SLC35F6: variants seen among roughly 807,000 people sequenced by gnomAD.
SLC35F6 encodes ANT2-binding protein.
In SLC35F6, 26 loss-of-function variants were observed where a neutral mutation model predicts 29.4. The observed-to-expected ratio is 0.89, with a 90% CI of 0.65 to 1.23. SLC35F6 has a LOEUF of 1.23. SLC35F6 is among the 50% of genes most tolerant of loss of function. The pLI is 0.00. For missense variants in SLC35F6, 428 were observed against 487.8 expected, an observed-to-expected ratio of 0.88 and a Z score of 1.15; for synonymous variants, 174 against 206.6, an observed-to-expected ratio of 0.84 and a Z score of 1.35.
chr2:26,774,456 T>C, intron 2 of SLC35F6, 133 bp downstream of exon 2: 1 of 930,744 alleles, frequency 1.1e-6, no homozygotes, highest in Non-Finnish European at 1.6e-6. Context: ...CATCCACTTC[T>C]CTCTTTCCCT....
chr2:26,770,443 C>T (rs1274924291), intron 1 of SLC35F6, among the ~76,000 whole-genome samples: 9 of 152,010 alleles, frequency 5.9e-5, no homozygotes. Flanking sequence ...GTTGGCCGGA[C>T]GCAGAGGCTT....
Position 26,764,313 on chromosome 2 carries a change from G to C in SLC35F6, c.-37G>C. On this transcript the variant is annotated 5_prime_UTR_variant, in exon 1 of 6. Coordinates refer to ENST00000344420, the MANE Select transcript of SLC35F6 (RefSeq NM_017877.4). ...AGGAGACCCCGGGTGACGGGGCCCG[G>C]CGCCGCTAACTGGAGCGAACCCCAG... is the stretch of plus-strand genomic sequence containing the variant. The C allele has an allele frequency of 6.5e-7, 1 of 1,547,004 alleles. No homozygotes were observed. Among genetic ancestry groups the C allele is most frequent in the Non-Finnish European group, 8.7e-7 (1 of 1,145,346 alleles).
intron 5 of SLC35F6, among the ~76,000 whole-genome samples, chr2:26,777,608 A>G (rs1664325520): frequency 6.6e-6 from 1 of 152,244 alleles, no homozygotes; most frequent in African/African-American, 2.4e-5. Flanking sequence ...GACCAGTAAC[A>G]CACTGAACTA....
At position 26,780,995 on chromosome 2, in the gene SLC35F6, C is replaced by G. The variant is rs1224160898; in HGVS notation, c.*2484C>G. ...CACCAGCTTTGAATCCCAGGGTCCC[C>G]TCAGCTTCACTGGGCCACAGTGTCT... On this transcript the variant is annotated 3_prime_UTR_variant, in exon 6 of 6. Transcript: ENST00000344420. 6.6e-6 allele frequency: 1 copy of G among 152,144 alleles called. No homozygotes were observed. Among genetic ancestry groups the G allele is most frequent in the Non-Finnish European group, 1.5e-5 (1 of 68,050 alleles). The allele number at this position is 152,144 out of a possible 1,614,324, so 9.4% of individuals were successfully genotyped here.
In SLC35F6 at chr2:26,768,455, C is replaced by T. The variant is rs780356383; in HGVS notation, c.77+4029C>T. 7.2e-5 allele frequency among the ~76,000 whole-genome samples: 11 copies of T among 151,850 alleles called. No homozygotes were observed. In the South Asian group the frequency reaches 8.3e-4, roughly 12 times the overall value. Reference sequence around the variant, plus strand: ...TCAGCTCACTGCAAGCTCCGCCTCCCGGGTGAACGCATTCTCATGCCTCAG... The same window carrying T: ...TCAGCTCACTGCAAGCTCCGCCTCCTGGGTGAACGCATTCTCATGCCTCAG... On this transcript the variant is annotated intron_variant, in intron 1 of 5. Coordinates refer to ENST00000344420, the MANE Select transcript of SLC35F6 (RefSeq NM_017877.4).
intron 1 of SLC35F6, 52 bp from the exon 2 acceptor site, chr2:26,774,199 A>G (rs1664255478): frequency 1.9e-6 from 3 of 1,608,102 alleles, no homozygotes; most frequent in Admixed American, 3.3e-5. Flanking sequence ...CCTCTTCACT[A>G]GCACCAGGGT....
chr2:26,764,675 T>C (rs1664062373), intron 1 of SLC35F6: 1 of 617,698 alleles, frequency 1.6e-6, no homozygotes, highest in African/African-American at 2.0e-5. Flanking sequence ...TTCCACGTCT[T>C]TTAACAGGAG....
At chr2:26,777,743 A>AGTGT (rs34163276) in intron 5 of SLC35F6, among the ~76,000 whole-genome samples, 58,524 of 150,196 alleles carry the variant, frequency 0.39, 11,646 homozygotes, top group Admixed American at 0.48. Flanking sequence ...TGTTTTTATG[A>AGTGT]GTGTGTGTGT....
intron 2 of SLC35F6, 56 bp from the exon 3 acceptor site, chr2:26,774,988 A>G (rs1664271108): frequency 6.5e-7 from 1 of 1,532,524 alleles, no homozygotes; most frequent in African/African-American, 1.4e-5. Flanking sequence ...AAATAGTTAA[A>G]GATGATCCCC....
In SLC35F6 at chr2:26,775,725, C is replaced by A; in HGVS notation, c.535+49C>A. 6.7e-7 allele frequency: 1 copy of A among 1,499,214 alleles called. No homozygotes were observed. 92.9% of individuals were successfully genotyped at this position (1,499,214 alleles called of 1,614,324 possible). A position where few individuals can be genotyped will look rare whatever the true frequency, so the allele number is the denominator to read the frequency against. On this transcript the variant is annotated intron_variant, in intron 4 of 5. Coordinates refer to ENST00000344420, the MANE Select transcript of SLC35F6 (RefSeq NM_017877.4). This position sits in a 1 kb window ranked among gnomAD's most constrained non-coding sequence, Gnocchi z 4.6. ...GGGCTGCCCTATCCTGCCCTGTCCT[C>A]CTTGGGAGCCCAGCACAGACTCATA...
intron 5 of SLC35F6, among the ~76,000 whole-genome samples, chr2:26,777,795 C>T (rs539700072): frequency 2.0e-5 from 3 of 151,742 alleles, no homozygotes; most frequent in Admixed American, 2.0e-4. Flanking sequence ...TACTGGGTCA[C>T]AATATAAAAT....
At chr2:26,776,335 C>A (rs756066425) in intron 4 of SLC35F6, 37 bp from the exon 5 acceptor site, 1 of 1,596,790 alleles carries the variant, frequency 6.3e-7, no homozygotes, top group Non-Finnish European at 8.6e-7. Context: ...AGCCCCAGTG[C>A]AGCCCTGTTC....
At chr2:26,770,918 A>G (rs1352775978) in intron 1 of SLC35F6, among the ~76,000 whole-genome samples, 1 of 152,164 alleles carries the variant, frequency 6.6e-6, no homozygotes, top group Non-Finnish European at 1.5e-5. Context: ...CCAGGATGAG[A>G]AGCCTGGCTT....
rs770231566 is a variant in SLC35F6, at chr2:26,776,466, G to A, written c.630G>A (p.Arg210=). Residue 210 remains arginine (R), a synonymous_variant, in exon 5 of 6, where the codon CGG becomes CGA. Coordinates refer to ENST00000344420, the MANE Select transcript of SLC35F6 (RefSeq NM_017877.4). Reference sequence around the variant, plus strand: ...ACAAACACAATGTGCACCCACTGCGGGCAGTTGGCACTGAGGGTGTGTGTG... The same window carrying A: ...ACAAACACAATGTGCACCCACTGCGAGCAGTTGGCACTGAGGGTGTGTGTG... ...FVYKHNVHPL[R]AVGTEGLFGF... is the part of the protein sequence containing the mutation. 2 of 1,614,060 alleles carry A rather than the reference G, an allele frequency of 1.2e-6. No homozygotes were observed. Among genetic ancestry groups the A allele is most frequent in the East Asian group, 4.5e-5 (2 of 44,896 alleles).
rs1664351559 is a variant in SLC35F6, at chr2:26,778,610, C to T, written c.*99C>T. The T allele has an allele frequency of 1.7e-6, 2 of 1,172,146 alleles. No homozygotes were observed. The highest frequency in any genetic ancestry group is 2.3e-6 in the Non-Finnish European group (2 of 857,542). 72.6% of individuals were successfully genotyped at this position (1,172,146 alleles called of 1,614,324 possible). A position where few individuals can be genotyped will look rare whatever the true frequency, so the allele number is the denominator to read the frequency against. On this transcript the variant is annotated 3_prime_UTR_variant, in exon 6 of 6. Coordinates refer to ENST00000344420, the MANE Select transcript of SLC35F6 (RefSeq NM_017877.4). Reference sequence around the variant, plus strand: ...CCCGAATGCCCTATCCCCAAGGCCTCACCCTGTCCCCTCCCTGCAGAACCC... The same window carrying T: ...CCCGAATGCCCTATCCCCAAGGCCTTACCCTGTCCCCTCCCTGCAGAACCC...
rs892894795 is a variant in SLC35F6, at chr2:26,778,110, A to G, written c.715A>G (p.Ser239Gly). The G allele has an allele frequency of 1.9e-6, 3 of 1,614,142 alleles. No individual in the cohort carries two copies. Among genetic ancestry groups the G allele is most frequent in the Non-Finnish European group, 2.5e-6 (3 of 1,180,008 alleles). ...GTACTACATCCCCGCCGGCTCCTTC[A>G]GCGGAAACCCTCGTGGGACACTGGA... ...PMYYIPAGSF[S>G]GNPRGTLEDA... The change falls in exon 6 of 6, where the codon AGC (serine) becomes GGC (glycine). Residue 239 changes from serine (S) to glycine (G), a missense_variant. Physicochemically the swap from Ser to Gly is moderately conservative, Grantham distance 56. Transcript: ENST00000344420.
At position 26,775,685 on chromosome 2, in the gene SLC35F6, A is replaced by C. The variant is rs1288240201; in HGVS notation, c.535+9A>C. The C allele has an allele frequency of 6.4e-7, 1 of 1,558,584 alleles. No homozygotes were observed. Among genetic ancestry groups the C allele is most frequent in the Non-Finnish European group, 8.7e-7 (1 of 1,155,528 alleles). ...CAGCGAAGTGATCACAGGTGCGGCC[A>C]GGGGCAGGGACACGGGGCTGCCCTA... On this transcript the variant is annotated intron_variant, in intron 4 of 5. Coordinates refer to ENST00000344420, the MANE Select transcript of SLC35F6 (RefSeq NM_017877.4). The surrounding 1 kb of genome is among the most constrained non-coding windows in gnomAD (Gnocchi z 4.6).
intron 1 of SLC35F6, among the ~76,000 whole-genome samples, chr2:26,767,695 C>T (rs1236885806): frequency 6.6e-6 from 1 of 152,192 alleles, no homozygotes; most frequent in South Asian, 2.1e-4. Flanking sequence ...TCTCCTGAAT[C>T]CAACTGAGGT....
intron 2 of SLC35F6, 87 bp downstream of exon 2, chr2:26,774,410 C>A: frequency 6.9e-7 from 1 of 1,458,686 alleles, no homozygotes; most frequent in Non-Finnish European, 9.5e-7. Flanking sequence ...TGTTTCCTGA[C>A]TTAGGAGTGG....
Sources: gnomAD v4.1 joint callset for allele counts (sites outside exome capture counted in the v4.1 genomes callset) on GRCh38, gnomAD v4.1.1 for gene constraint, Gnocchi (gnomAD v3.1) non-coding constraint, MANE v1.5 for transcripts, NCBI Gene and HGNC (gene_info 2026-07-23, HGNC 2026-07-21) for gene names.